Variants in PHF24 observed in about 807,000 individuals in gnomAD.
The protein encoded by PHF24 is PHD finger protein 24.
PHF24 carries 25 observed loss-of-function variants against 42.6 expected under a neutral mutation model. That is an observed-to-expected ratio of 0.59 (90% confidence interval 0.43 to 0.82). The LOEUF (loss-of-function observed/expected upper bound fraction) is 0.82, where lower values mean the gene tolerates loss of function less well. Among genes scored for constraint, PHF24 ranks in the 40% least tolerant of loss-of-function variants. The pLI is 0.00. For synonymous variants in PHF24, 185 were observed against 204.8 expected (o/e 0.90, Z 0.83); for missense variants, 470 against 538.1 (o/e 0.87, Z 1.25).
At chr9:34,940,241 A>G in the PHF24 span, among the ~76,000 whole-genome samples, 1 of 152,060 alleles carries the variant, frequency 6.6e-6, no homozygotes, top group Non-Finnish European at 1.5e-5. Context: ...CTGCAGAAAG[A>G]TGGGAGGGAA....
the PHF24 span, among the ~76,000 whole-genome samples, chr9:34,727,612 C>A: frequency 6.6e-6 from 1 of 152,144 alleles, no homozygotes; most frequent in Non-Finnish European, 1.5e-5. Flanking sequence ...AGAGTCTAGC[C>A]AGAGTCAGGT....
the PHF24 span, among the ~76,000 whole-genome samples, chr9:34,730,074 C>T: frequency 6.6e-6 from 1 of 152,138 alleles, no homozygotes; most frequent in Non-Finnish European, 1.5e-5. Context: ...TAAATGCTAC[C>T]TTCCATGGAG....
the PHF24 span, chr9:34,689,714 A>G: frequency 7.4e-7 from 1 of 1,350,896 alleles, no homozygotes; most frequent in Non-Finnish European, 1.0e-6. The surrounding 1 kb of genome is among the most constrained non-coding windows in gnomAD (Gnocchi z 4.1). Flanking sequence ...TCTGGTGCAG[A>G]GGAGCTGGAA....
the PHF24 span, among the ~76,000 whole-genome samples, chr9:34,937,010 T>A: frequency 5.1e-4 from 66 of 130,540 alleles, no homozygotes; most frequent in African/African-American, 1.6e-3. Flanking sequence ...AGCCGCCCCG[T>A]CCGGGAGGGA....
At chr9:34,886,516 G>C in the PHF24 span, among the ~76,000 whole-genome samples, 1 of 152,072 alleles carries the variant, frequency 6.6e-6, no homozygotes. Flanking sequence ...TCATTCCATT[G>C]GTCACCTTCT....
chr9:34,784,443 C>T, the PHF24 span, among the ~76,000 whole-genome samples: 1 of 152,124 alleles, frequency 6.6e-6, no homozygotes, highest in Non-Finnish European at 1.5e-5. Flanking sequence ...TGAAGGAAAT[C>T]CTTATCCTAT....
chr9:34,947,966 G>C, the PHF24 span, among the ~76,000 whole-genome samples: 1 of 151,836 alleles, frequency 6.6e-6, no homozygotes, highest in Non-Finnish European at 1.5e-5. Context: ...AAAATTAGCC[G>C]GGCATGGTGG....
chr9:34,966,820 GC>G (rs1399300254), intron 1 of PHF24, among the ~76,000 whole-genome samples: 1 of 152,060 alleles, frequency 6.6e-6, no homozygotes, highest in Non-Finnish European at 1.5e-5. Flanking sequence ...TCATGCTTCA[GC>G]CTCCCGAGTA....
chr9:34,770,728 G>C, the PHF24 span, among the ~76,000 whole-genome samples: 4 of 151,572 alleles, frequency 2.6e-5, no homozygotes, highest in Non-Finnish European at 5.9e-5. Context: ...TGGAGAAAGG[G>C]AAGAGGGCAA....
At chr9:34,671,807 TCATCCATCCATCCATCCATCCATC>T in the PHF24 span, among the ~76,000 whole-genome samples, 1 of 149,822 alleles carries the variant, frequency 6.7e-6, no homozygotes, top group South Asian at 2.1e-4. Context: ...TTTTTCTGCC[TCATCCATCCATCCATCCATCCATC>T]CATCCATCCA....
chr9:34,740,273 C>G, the PHF24 span, among the ~76,000 whole-genome samples: 2 of 152,220 alleles, frequency 1.3e-5, no homozygotes, highest in Non-Finnish European at 2.9e-5. Context: ...GGACTGGGCG[C>G]CATGGAGCAG....
At chr9:34,722,451 G>A in the PHF24 span, among the ~76,000 whole-genome samples, 1 of 152,156 alleles carries the variant, frequency 6.6e-6, no homozygotes. Context: ...ATTTTTGTAT[G>A]GTTTGAGATG....
the PHF24 span, among the ~76,000 whole-genome samples, chr9:34,729,691 T>C: frequency 6.6e-6 from 1 of 152,192 alleles, no homozygotes; most frequent in Non-Finnish European, 1.5e-5. Context: ...TAGTCTGTCT[T>C]CACTTTCCAC....
At chr9:34,836,945 C>G in the PHF24 span, 1 of 352,792 alleles carries the variant, frequency 2.8e-6, no homozygotes, top group Non-Finnish European at 5.8e-6. Context: ...AGTGAACCAG[C>G]CTCCACTGTG....
At chr9:34,884,322 A>G in the PHF24 span, among the ~76,000 whole-genome samples, 1 of 152,226 alleles carries the variant, frequency 6.6e-6, no homozygotes, top group Non-Finnish European at 1.5e-5. Flanking sequence ...ATATATACAT[A>G]TGTAACAAAC....
chr9:34,802,854 A>G, the PHF24 span, among the ~76,000 whole-genome samples: 2 of 152,146 alleles, frequency 1.3e-5, no homozygotes, highest in Non-Finnish European at 2.9e-5. Flanking sequence ...GGGGTGTTTC[A>G]CTTTGACCTT....
chr9:34,816,539 A>G, the PHF24 span, among the ~76,000 whole-genome samples: 2 of 152,262 alleles, frequency 1.3e-5, no homozygotes, highest in East Asian at 3.9e-4. Context: ...CAGATTTGGT[A>G]TCTGGTGAGG....
At chr9:34,967,584 A>G (rs1393924543) in intron 1 of PHF24, among the ~76,000 whole-genome samples, 2 of 152,220 alleles carry the variant, frequency 1.3e-5, no homozygotes. Context: ...ATGAAGAATT[A>G]TCTGTCAGTT....
chr9:34,735,133 C>CTTTT, the PHF24 span, among the ~76,000 whole-genome samples: 9 of 112,482 alleles, frequency 8.0e-5, no homozygotes, highest in African/African-American at 1.3e-4. Context: ...TTTCTTTTTT[C>CTTTT]TTTTTTTTTT....
Sources: gnomAD v4.1 joint callset for allele counts (sites outside exome capture counted in the v4.1 genomes callset) on GRCh38, gnomAD v4.1.1 for gene constraint, Gnocchi (gnomAD v3.1) non-coding constraint, MANE v1.5 for transcripts, NCBI Gene and HGNC (gene_info 2026-07-23, HGNC 2026-07-21) for gene names.